CRTC1: variants seen among roughly 807,000 people sequenced by gnomAD.
CRTC1 encodes the protein CREB regulated transcription coactivator 1.
In CRTC1, 18 loss-of-function variants were observed where a neutral mutation model predicts 66.1. The ratio of observed to expected loss-of-function variants is 0.27; its 90% CI spans 0.19 to 0.40. The LOEUF is 0.40. Among genes scored for constraint, CRTC1 ranks in the 10% least tolerant of loss-of-function variants. The pLI is 1.00. For missense variants in CRTC1, 669 were observed against 887.9 expected, an observed-to-expected ratio of 0.75 and a Z score of 3.13; for synonymous variants, 416 against 398.8, an observed-to-expected ratio of 1.04 and a Z score of -0.51.
intron 11 of CRTC1, among the ~76,000 whole-genome samples, chr19:18,773,787 G>A (rs981298347): frequency 4.6e-5 from 7 of 152,028 alleles, no homozygotes; most frequent in African/African-American, 1.7e-4. Flanking sequence ...AAGCCTCCTC[G>A]CCCCAGGGTG....
chr19:18,762,387 T>A lies in CRTC1; in HGVS notation c.886+2159T>A, dbSNP rs118160743. ...GCAGCTCGCCTGGCAGGGGCTTTGCTTTCTGGACGCCTTTTAAATCAAGCC... is the reference window on the plus strand; with the variant it reads ...GCAGCTCGCCTGGCAGGGGCTTTGCATTCTGGACGCCTTTTAAATCAAGCC... On this transcript the variant is annotated intron_variant, in intron 8 of 13. Coordinates refer to ENST00000321949, the MANE Select transcript of CRTC1 (RefSeq NM_015321.3). Among the ~76,000 whole-genome samples, 285 of 152,320 alleles carry A rather than the reference T, an allele frequency of 1.9e-3. 1 individual carries two copies. Among genetic ancestry groups the A allele is most frequent in the Non-Finnish European group, 3.6e-3 (246 of 68,024 alleles).
intron 8 of CRTC1, among the ~76,000 whole-genome samples, chr19:18,762,827 A>G (rs1421707859): frequency 6.6e-6 from 1 of 152,272 alleles, no homozygotes; most frequent in African/African-American, 2.4e-5. Context: ...CTCACTTTGC[A>G]GCCAGTGGAA....
At chr19:18,694,926 T>C (rs1288343268) in intron 1 of CRTC1, among the ~76,000 whole-genome samples, 1 of 151,008 alleles carries the variant, frequency 6.6e-6, no homozygotes, top group Admixed American at 6.6e-5. Flanking sequence ...GGAGTCTTGC[T>C]CCTATAAGAT....
intron 1 of CRTC1, among the ~76,000 whole-genome samples, chr19:18,691,012 C>T (rs573566734): frequency 8.5e-4 from 113 of 133,714 alleles, no homozygotes; most frequent in African/African-American, 3.1e-3. Flanking sequence ...GATGACAGAG[C>T]GAGACTCCGT....
chr19:18,693,780 C>G (rs946178201), intron 1 of CRTC1, among the ~76,000 whole-genome samples: 1 of 151,702 alleles, frequency 6.6e-6, no homozygotes, highest in Non-Finnish European at 1.5e-5. Context: ...ATTCCCGGCC[C>G]GCTTAACTCT....
intron 11 of CRTC1, among the ~76,000 whole-genome samples, chr19:18,773,041 G>C (rs933757883): frequency 2.6e-5 from 4 of 152,164 alleles, no homozygotes; most frequent in Admixed American, 1.3e-4. Flanking sequence ...GTGAATTTTT[G>C]GGCCCCAAGC....
chr19:18,683,700 A>T lies in CRTC1; in HGVS notation c.-3A>T. ...AGGAGGAGGAGGAGGTGGCGGCGAG[A>T]AGATGGCGACTTCGAACAATCCGCG... is the stretch of plus-strand genomic sequence containing the variant. On this transcript the variant is annotated 5_prime_UTR_variant, in exon 1 of 14. Coordinates refer to ENST00000321949, the MANE Select transcript of CRTC1 (RefSeq NM_015321.3). 7.2e-7 allele frequency: 1 copy of T among 1,391,890 alleles called. No individual in the cohort carries two copies. Among genetic ancestry groups the T allele is most frequent in the Non-Finnish European group, 9.5e-7 (1 of 1,047,824 alleles). The allele number at this position is 1,391,890 out of a possible 1,614,324, so 86.2% of individuals were successfully genotyped here.
At chr19:18,689,984 A>T (rs899345787) in intron 1 of CRTC1, among the ~76,000 whole-genome samples, 2 of 150,502 alleles carry the variant, frequency 1.3e-5, no homozygotes, top group African/African-American at 4.9e-5. Flanking sequence ...TGTCCAGATC[A>T]GGGGGAATGA....
At chr19:18,740,864 T>A (rs564202189) in intron 1 of CRTC1, among the ~76,000 whole-genome samples, 1 of 151,588 alleles carries the variant, frequency 6.6e-6, no homozygotes, top group South Asian at 2.1e-4. Flanking sequence ...AAAAAAAAAT[T>A]AGCCAGGCAT....
chr19:18,732,662 G>A (rs2053916578), intron 1 of CRTC1, among the ~76,000 whole-genome samples: 1 of 152,182 alleles, frequency 6.6e-6, no homozygotes, highest in African/African-American at 2.4e-5. Flanking sequence ...TTCCAGACAA[G>A]GGCTTCGTGG....
intron 1 of CRTC1, among the ~76,000 whole-genome samples, chr19:18,711,270 C>G (rs1167620289): frequency 1.3e-5 from 2 of 152,080 alleles, no homozygotes; most frequent in Non-Finnish European, 2.9e-5. Context: ...TCAGCTCAGC[C>G]CACACAGCTG....
intron 1 of CRTC1, among the ~76,000 whole-genome samples, chr19:18,728,009 A>C (rs1265040888): frequency 6.6e-6 from 1 of 152,094 alleles, no homozygotes; most frequent in Non-Finnish European, 1.5e-5. Context: ...TACAGGCGTG[A>C]GCCACCGTGC....
intron 2 of CRTC1, among the ~76,000 whole-genome samples, chr19:18,743,376 G>A (rs12976926): frequency 1.3e-5 from 2 of 152,282 alleles, no homozygotes; most frequent in Non-Finnish European, 2.9e-5. Context: ...GCAATTCTCA[G>A]AAGGAGGCCC....
At chr19:18,687,409 T>G (rs2052710184) in intron 1 of CRTC1, among the ~76,000 whole-genome samples, 1 of 152,160 alleles carries the variant, frequency 6.6e-6, no homozygotes. Flanking sequence ...AGTTCCATCC[T>G]TTGCTCCCAC....
chr19:18,760,168 A>G lies in CRTC1; in HGVS notation c.826A>G (p.Ser276Gly), dbSNP rs2054582787. The G allele has an allele frequency of 1.2e-6, 2 of 1,613,488 alleles. No homozygotes were observed. The highest frequency in any genetic ancestry group is 1.3e-5 in the African/African-American group (1 of 74,882). ...EPTFPALSSSSSTGNLAANLT... is the reference protein window; with the variant it reads ...EPTFPALSSSGSTGNLAANLT... ...CACCTTCCCTGCACTGAGCAGCTCC[A>G]GCAGCACCGGCAACCTCGCGGCCAA... The change falls in exon 8 of 14, where the codon AGC becomes GGC. Residue 276 changes from serine (S) to glycine (G), a missense_variant. By Grantham distance (56) the Ser-to-Gly change is moderately conservative. This residue lies in a region of CRTC1 where 214 missense variants were observed against 323.4 expected (regional missense o/e 0.66). Transcript: ENST00000321949. The surrounding 1 kb of genome is among the most constrained non-coding windows in gnomAD (Gnocchi z 6.2).
Position 18,741,555 on chromosome 19 carries a change from G to A in CRTC1, c.127-1355G>A, listed in dbSNP as rs2054111224. 1.3e-5 allele frequency among the ~76,000 whole-genome samples: 2 copies of A among 152,158 alleles called. No homozygotes were observed. Among genetic ancestry groups the A allele is most frequent in the African/African-American group, 4.8e-5 (2 of 41,428 alleles). On this transcript the variant is annotated intron_variant, in intron 1 of 13. Transcript: ENST00000321949. The surrounding 1 kb of genome is among the most constrained non-coding windows in gnomAD (Gnocchi z 4.2). ...CGACCTATGCCCAGGTAGGTGTGGG[G>A]TGGGAGCTGTAGGACCCCCACCCTA...
At chr19:18,759,384 G>A (rs1176570237) in intron 6 of CRTC1, among the ~76,000 whole-genome samples, 167 bp from the exon 7 acceptor site, 1 of 149,002 alleles carries the variant, frequency 6.7e-6, no homozygotes, top group East Asian at 2.0e-4. Flanking sequence ...CTGGGGCGGT[G>A]CCCCTGTCCT....
rs535765957 is a variant in CRTC1 at position 18,698,593 on chromosome 19, T to G, written c.126+14765T>G. ...TACTCAGCAGGCGCACAGTGTATACTCACCGGGCGCTCAGCAGGCGCAGTG... is the reference window on the plus strand; with the variant it reads ...TACTCAGCAGGCGCACAGTGTATACGCACCGGGCGCTCAGCAGGCGCAGTG... On this transcript the variant is annotated intron_variant, in intron 1 of 13. Coordinates refer to ENST00000321949, the MANE Select transcript of CRTC1 (RefSeq NM_015321.3). Among the ~76,000 whole-genome samples, 19 of 147,566 alleles carry G rather than the reference T, an allele frequency of 1.3e-4. No homozygotes were observed. In the South Asian group the frequency reaches 3.9e-3, roughly 30 times the overall value.
rs769955090 is a variant in CRTC1 at position 18,744,133 on chromosome 19, T to C, written c.243+1107T>C. 2.5e-6 allele frequency: 4 copies of C among 1,612,424 alleles called. 1 individual carries two copies. The highest frequency in any genetic ancestry group is 2.2e-5 in the South Asian group (2 of 90,586). Reference sequence around the variant, plus strand: ...CCCAGCGGATTTCTGGGGGAGGCCCTGGCAGCGGCTCCTGTCTCTCTGGTA... The same window carrying C: ...CCCAGCGGATTTCTGGGGGAGGCCCCGGCAGCGGCTCCTGTCTCTCTGGTA... On this transcript the variant is annotated intron_variant, in intron 2 of 13. Transcript: ENST00000321949.
Sources: allele counts gnomAD v4.1 joint callset (sites outside exome capture counted in the v4.1 genomes callset), GRCh38; gene constraint gnomAD v4.1.1; regional missense constraint gnomAD v4.1.1; non-coding constraint Gnocchi (gnomAD v3.1); transcripts MANE v1.5; gene names NCBI Gene and HGNC (gene_info 2026-07-23, HGNC 2026-07-21).